Variants in UBXN2B observed in about 807,000 individuals in gnomAD.
UBXN2B encodes UBX domain protein 2B.
UBXN2B carries 19 observed loss-of-function variants against 37.5 expected under a neutral mutation model. That is an observed-to-expected ratio of 0.51 (90% CI 0.35 to 0.74). The LOEUF (loss-of-function observed/expected upper bound fraction) is 0.74, where lower values mean the gene tolerates loss of function less well. Ranked by LOEUF, UBXN2B falls within the 30% of genes least tolerant of loss-of-function variation. The pLI, the probability that UBXN2B is intolerant of heterozygous loss-of-function variation, is 0.01. For synonymous variants in UBXN2B, 145 were observed against 143.8 expected (o/e 1.01, Z -0.06); for missense variants, 370 against 393.2 (o/e 0.94, Z 0.50).
At position 58,434,402 on chromosome 8, in the gene UBXN2B, T is replaced by C. The variant is rs201181124; in HGVS notation, c.431T>C (p.Ile144Thr). ...TTTTTCTATACCCAAAAGGTTCAGA[T>C]TTTGCTTAAACTGTGGAGCAATGGT... ...YGENQLQDVQ[I>T]LLKLWSNGFS... The change falls in exon 5 of 8, where the codon ATT (isoleucine) becomes ACT (threonine). Residue 144 changes from isoleucine to threonine, a missense_variant. Physicochemically the swap from Ile to Thr is moderately conservative, Grantham distance 89. Transcript: ENST00000399598. The C allele has an allele frequency of 1.1e-5, 15 of 1,425,692 alleles. No individual in the cohort carries two copies. Among genetic ancestry groups the C allele is most frequent in the Non-Finnish European group, 1.4e-5 (15 of 1,087,826 alleles). 88.3% of individuals were successfully genotyped at this position (1,425,692 alleles called of 1,614,324 possible).
Position 58,447,399 on chromosome 8 carries a change from G to A in UBXN2B, c.844G>A (p.Val282Ile). ...RFNSTHRILD[V>I]RNFIVQSRPE... ...GTCTTATTTCTTCAGGATCCTGGAT[G>A]TCCGGAACTTTATTGTACAGTCTCG... is the stretch of plus-strand genomic sequence containing the variant. Residue 282 changes from valine (V) to isoleucine (I), a missense_variant, in exon 8 of 8, where the codon GTC (valine) becomes ATC (isoleucine). Val to Ile is a conservative substitution (Grantham distance 29). Transcript: ENST00000399598. 2 of 1,594,484 alleles carry A rather than the reference G, an allele frequency of 1.3e-6. No homozygotes were observed. The highest frequency in any genetic ancestry group is 1.7e-6 in the Non-Finnish European group (2 of 1,170,046).
chr8:58,440,294 G>T (rs564176156), intron 6 of UBXN2B, among the ~76,000 whole-genome samples: 1 of 152,218 alleles, frequency 6.6e-6, no homozygotes, highest in Admixed American at 6.5e-5. Flanking sequence ...ACTTAAGCAT[G>T]CATGTCTGCC....
In UBXN2B at chr8:58,431,877, T is replaced by A. The variant is rs541328043; in HGVS notation, c.339+1208T>A. Among the ~76,000 whole-genome samples the A allele has an allele frequency of 5.3e-5, 8 of 152,378 alleles. No homozygotes were observed. The South Asian group carries it at 1.7e-3, about 32-fold the overall frequency. Reference sequence around the variant, plus strand: ...CGTTTCATGTGCTTCCTTGCCATTATCTGTATTATTCTTTTCAAGGAAATA... The same window carrying A: ...CGTTTCATGTGCTTCCTTGCCATTAACTGTATTATTCTTTTCAAGGAAATA... On this transcript the variant is annotated intron_variant, in intron 3 of 7. Coordinates refer to ENST00000399598, the MANE Select transcript of UBXN2B (RefSeq NM_001077619.2).
chr8:58,434,523 A>T lies in UBXN2B; in HGVS notation c.533+19A>T. On this transcript the variant is annotated intron_variant, in intron 5 of 7. Coordinates refer to ENST00000399598, the MANE Select transcript of UBXN2B (RefSeq NM_001077619.2). Reference sequence around the variant, plus strand: ...AGAGAGGGTAAGATGTATTATTTGTATTCTATTTGTTATGTAGAGTGGGAC... The same window carrying T: ...AGAGAGGGTAAGATGTATTATTTGTTTTCTATTTGTTATGTAGAGTGGGAC... 2.0e-6 allele frequency: 3 copies of T among 1,495,678 alleles called. No individual in the cohort carries two copies. Among genetic ancestry groups the T allele is most frequent in the Non-Finnish European group, 2.7e-6 (3 of 1,109,688 alleles). 92.7% of individuals were successfully genotyped at this position (1,495,678 alleles called of 1,614,324 possible).
At chr8:58,436,705 G>T (rs1307441945) in intron 5 of UBXN2B, among the ~76,000 whole-genome samples, 1 of 152,100 alleles carries the variant, frequency 6.6e-6, no homozygotes, top group Non-Finnish European at 1.5e-5. Context: ...AGTGAAAGCT[G>T]ATTGTTTAAA....
chr8:58,446,744 A>G (rs1049200193), intron 7 of UBXN2B, among the ~76,000 whole-genome samples: 1 of 135,042 alleles, frequency 7.4e-6, no homozygotes, highest in Non-Finnish European at 1.5e-5. Flanking sequence ...ATATGCTGCT[A>G]ACACATTTTA....
chr8:58,431,154 A>G (rs774831914), intron 3 of UBXN2B, among the ~76,000 whole-genome samples: 1 of 152,144 alleles, frequency 6.6e-6, no homozygotes, highest in Non-Finnish European at 1.5e-5. Context: ...AGCCAATACC[A>G]GTCGGGTTTT....
chr8:58,425,685 C>T, intron 2 of UBXN2B: 1 of 1,166,048 alleles, frequency 8.6e-7, no homozygotes, highest in Non-Finnish European at 1.3e-6. Context: ...TTCTCGAATT[C>T]TGCTATTTCA....
At chr8:58,426,009 T>G (rs1222178788) in intron 2 of UBXN2B, 2 of 1,441,956 alleles carry the variant, frequency 1.4e-6, no homozygotes, top group Middle Eastern at 2.1e-4. Context: ...TCTGCTTCTT[T>G]CCCAGAGAGG....
At chr8:58,423,166 G>T (rs1807974444) in intron 2 of UBXN2B, among the ~76,000 whole-genome samples, 1 of 152,068 alleles carries the variant, frequency 6.6e-6, no homozygotes, top group South Asian at 2.1e-4. Flanking sequence ...CTGGACTTAA[G>T]TCTTCAGAAG....
intron 1 of UBXN2B, among the ~76,000 whole-genome samples, chr8:58,414,782 C>T (rs1020706955): frequency 6.6e-6 from 1 of 152,114 alleles, no homozygotes; most frequent in African/African-American, 2.4e-5. Context: ...TAACTAGGAT[C>T]TTTCAGCCAG....
At position 58,437,952 on chromosome 8, in the gene UBXN2B, C is replaced by A. The variant is rs114706574; in HGVS notation, c.534-1681C>A. On this transcript the variant is annotated intron_variant, in intron 5 of 7. Coordinates refer to ENST00000399598, the MANE Select transcript of UBXN2B (RefSeq NM_001077619.2). ...GCATTTCAGAGACCTTTAAGGCAGCCCCCCCCCCAACCCCCATCACAGGCC... is the reference window on the plus strand; with the variant it reads ...GCATTTCAGAGACCTTTAAGGCAGCACCCCCCCCAACCCCCATCACAGGCC... 6.7e-3 allele frequency among the ~76,000 whole-genome samples: 697 copies of A among 104,310 alleles called. 5 individuals carry two copies. Among genetic ancestry groups the A allele is most frequent in the African/African-American group, 0.029 (643 of 22,388 alleles). 68.4% of individuals were successfully genotyped at this position (104,310 alleles called of 152,430 possible). A position where few individuals can be genotyped will look rare whatever the true frequency, so the allele number is the denominator to read the frequency against.
At position 58,447,509 on chromosome 8, in the gene UBXN2B, A is replaced by G. The variant is rs778282101; in HGVS notation, c.954A>G (p.Glu318=). The change falls in exon 8 of 8, where the codon GAA becomes GAG. Residue 318 remains glutamate (E), a synonymous_variant. Transcript: ENST00000399598. ...CAGATGAAAGCCTGACACTGCTAGAAGCAGATATTCTTAACACTGTGTTAC... is the reference window on the plus strand; with the variant it reads ...CAGATGAAAGCCTGACACTGCTAGAGGCAGATATTCTTAACACTGTGTTAC... ...ELTDESLTLL[E]ADILNTVLLQ... is the part of the protein sequence containing the mutation. 1.2e-6 allele frequency: 2 copies of G among 1,613,172 alleles called. No homozygotes were observed. Among genetic ancestry groups the G allele is most frequent in the Non-Finnish European group, 1.7e-6 (2 of 1,179,518 alleles).
Position 58,423,860 on chromosome 8 carries a change from C to T in UBXN2B, c.189-6659C>T, listed in dbSNP as rs575623848. 2.0e-5 allele frequency among the ~76,000 whole-genome samples: 3 copies of T among 151,614 alleles called. No homozygotes were observed. The South Asian group carries it at 6.2e-4, about 32-fold the overall frequency. On this transcript the variant is annotated intron_variant, in intron 2 of 7. Transcript: ENST00000399598. ...TGAGTAGAAGACAGTTACTCAAATG[C>T]AAAGAAAATATGGCAAACGTTTTCC...
Position 58,439,639 on chromosome 8 carries a change from T to G in UBXN2B, c.540T>G (p.Ile180Met). 6.3e-7 allele frequency: 1 copy of G among 1,592,122 alleles called. No homozygotes were observed. Among genetic ancestry groups the G allele is most frequent in the Non-Finnish European group, 8.5e-7 (1 of 1,174,090 alleles). Residue 180 changes from isoleucine to methionine, a missense_variant, in exon 6 of 8, where the codon ATT becomes ATG. Ile to Met is a conservative substitution (Grantham distance 10, BLOSUM62 1). Transcript: ENST00000399598. ...QFLESVKRGE[I>M]PLELQRLVHG... ...TTTCCCCCCTTTTTAAAAGAGAGAT[T>G]CCCCTGGAGCTTCAGCGCCTTGTTC...
intron 2 of UBXN2B, among the ~76,000 whole-genome samples, chr8:58,418,809 T>C (rs1332071394): frequency 1.3e-5 from 2 of 152,214 alleles, no homozygotes; most frequent in East Asian, 3.8e-4. Context: ...TTTAGCTGCT[T>C]CTTTAATTTG....
chr8:58,437,910 G>A (rs1055681929), intron 5 of UBXN2B, among the ~76,000 whole-genome samples: 5 of 151,962 alleles, frequency 3.3e-5, no homozygotes, highest in Admixed American at 2.6e-4. Context: ...CAAGATGATG[G>A]GAAGAAAGCC....
chr8:58,441,288 C>T (rs996135444), intron 6 of UBXN2B, among the ~76,000 whole-genome samples: 3 of 148,654 alleles, frequency 2.0e-5, no homozygotes, highest in African/African-American at 7.6e-5. Flanking sequence ...GCCACTATGC[C>T]TGGCCAGGCT....
chr8:58,415,397 C>A (rs1340669510), intron 1 of UBXN2B, among the ~76,000 whole-genome samples: 1 of 151,864 alleles, frequency 6.6e-6, no homozygotes, highest in Non-Finnish European at 1.5e-5. Context: ...AAACTTTAGA[C>A]CCTAGTCATC....
Sources: gnomAD v4.1 joint callset for allele counts (sites outside exome capture counted in the v4.1 genomes callset) on GRCh38, gnomAD v4.1.1 for gene constraint, MANE v1.5 for transcripts, NCBI Gene and HGNC (gene_info 2026-07-23, HGNC 2026-07-21) for gene names.